VASH2: variants seen among roughly 807,000 people sequenced by gnomAD.
The protein encoded by VASH2 is tubulinyl-Tyr carboxypeptidase 2.
A neutral mutation model predicts 37.2 loss-of-function variants in VASH2; 28 were observed. That is an observed-to-expected ratio of 0.75 (90% CI 0.56 to 1.03). The LOEUF is 1.03. VASH2 is among the 50% of genes least tolerant of loss of function. The pLI, the probability that VASH2 is intolerant of heterozygous loss-of-function variation, is 0.00. For synonymous variants in VASH2, 188 were observed against 174.7 expected (o/e 1.08, Z -0.60); for missense variants, 419 against 459.1 (o/e 0.91, Z 0.80).
intron 3 of VASH2, among the ~76,000 whole-genome samples, chr1:212,964,801 CCATCCATCCACTCATT>C (rs1330809118): frequency 5.3e-5 from 8 of 152,182 alleles, no homozygotes; most frequent in African/African-American, 9.7e-5. Flanking sequence ...CCCTTCCAAT[CCATCCATCCACTCATT>C]CATCCATCCA....
At chr1:212,981,211 C>T (rs998730854) in intron 7 of VASH2, among the ~76,000 whole-genome samples, 7 of 152,200 alleles carry the variant, frequency 4.6e-5, no homozygotes, top group East Asian at 1.9e-4. Flanking sequence ...GGATGGGCAC[C>T]GGCTGAAAAA....
chr1:212,967,004 CA>C, intron 5 of VASH2: 1 of 867,122 alleles, frequency 1.2e-6, no homozygotes, highest in Non-Finnish European at 1.7e-6. Flanking sequence ...CTCAGCCTCC[CA>C]AAGTGTTGAG....
chr1:212,963,287 G>A (rs1461041801), intron 3 of VASH2, among the ~76,000 whole-genome samples: 3 of 152,218 alleles, frequency 2.0e-5, no homozygotes, highest in Non-Finnish European at 4.4e-5. Context: ...GAGGGCCAGA[G>A]AAGGGAAGCA....
At chr1:212,978,732 C>T (rs1230186382) in intron 7 of VASH2, among the ~76,000 whole-genome samples, 2 of 152,178 alleles carry the variant, frequency 1.3e-5, no homozygotes, top group African/African-American at 4.8e-5. Context: ...GGCCGAGTGG[C>T]CTTGGAACGG....
intron 5 of VASH2, chr1:212,968,339 TAGAA>T (rs1364584801): frequency 4.3e-5 from 42 of 984,846 alleles, no homozygotes; most frequent in Non-Finnish European, 4.9e-5. Context: ...GAAAGAGAGG[TAGAA>T]AGAAAACCAG....
intron 2 of VASH2, among the ~76,000 whole-genome samples, chr1:212,953,372 CT>C (rs965640575): frequency 7.2e-5 from 11 of 152,212 alleles, no homozygotes; most frequent in Non-Finnish European, 1.3e-4. Context: ...GGCAGCTGAT[CT>C]TAGGCCTGGC....
At chr1:212,973,364 TTC>T in intron 6 of VASH2, 1 of 1,283,712 alleles carries the variant, frequency 7.8e-7, no homozygotes, top group Non-Finnish European at 1.0e-6. Context: ...TACGTCCCTC[TTC>T]TCTCTCTCAG....
chr1:212,967,208 C>T (rs1666878769), intron 5 of VASH2: 2 of 1,303,250 alleles, frequency 1.5e-6, no homozygotes, highest in Admixed American at 4.6e-5. Flanking sequence ...GAATATGGTG[C>T]AGAGAAACTG....
At chr1:212,955,412 A>G (rs1196713107) in intron 2 of VASH2, among the ~76,000 whole-genome samples, 1 of 152,174 alleles carries the variant, frequency 6.6e-6, no homozygotes, top group Admixed American at 6.5e-5. Context: ...GAGGTTGTTG[A>G]GTCTGAAGTT....
intron 7 of VASH2, among the ~76,000 whole-genome samples, chr1:212,983,560 T>C (rs1234021647): frequency 6.6e-6 from 1 of 152,176 alleles, no homozygotes; most frequent in East Asian, 1.9e-4. Context: ...CCAACCCCAC[T>C]GCACCGAGGA....
intron 2 of VASH2, among the ~76,000 whole-genome samples, chr1:212,960,416 G>T (rs1666638458): frequency 6.6e-6 from 1 of 152,254 alleles, no homozygotes; most frequent in South Asian, 2.1e-4. Context: ...GTCGAGGCAA[G>T]AGGAGGGATC....
intron 7 of VASH2, among the ~76,000 whole-genome samples, chr1:212,976,244 G>A (rs914558978): frequency 2.0e-5 from 3 of 152,172 alleles, no homozygotes; most frequent in Non-Finnish European, 4.4e-5. Flanking sequence ...AGAATTGCCA[G>A]TTGAAATGAC....
chr1:212,952,440 C>T (rs1271126125), intron 2 of VASH2: 2 of 152,336 alleles, frequency 1.3e-5, no homozygotes, highest in Admixed American at 1.3e-4. Flanking sequence ...CTTATTTGTG[C>T]TCCAAGAAAA....
At chr1:212,981,427 C>T (rs950016034) in intron 7 of VASH2, among the ~76,000 whole-genome samples, 4 of 152,188 alleles carry the variant, frequency 2.6e-5, no homozygotes, top group South Asian at 2.1e-4. Flanking sequence ...CATGCTCTGC[C>T]TCTGCGGCCT....
chr1:212,979,581 A>T (rs1180553316), intron 7 of VASH2, among the ~76,000 whole-genome samples: 1 of 152,152 alleles, frequency 6.6e-6, no homozygotes, highest in African/African-American at 2.4e-5. Context: ...AGCGACTTCC[A>T]GCCTTGAATT....
chr1:212,983,771 T>C (rs1274302567), intron 7 of VASH2, among the ~76,000 whole-genome samples: 1 of 152,182 alleles, frequency 6.6e-6, no homozygotes, highest in African/African-American at 2.4e-5. Flanking sequence ...GGAGACAGCA[T>C]AAGCCAAGGT....
At chr1:212,969,979 ATGCT>A (rs1666961819) in intron 5 of VASH2, among the ~76,000 whole-genome samples, 1 of 152,202 alleles carries the variant, frequency 6.6e-6, no homozygotes. Context: ...TTTTACATGC[ATGCT>A]GGAGAGGTAG....
intron 7 of VASH2, among the ~76,000 whole-genome samples, chr1:212,981,304 C>T (rs1021186370): frequency 3.3e-5 from 5 of 152,210 alleles, no homozygotes; most frequent in African/African-American, 7.2e-5. Context: ...CTGCCAGCAC[C>T]GGTGCTTTCC....
chr1:212,966,080 T>C, intron 4 of VASH2, 191 bp from the exon 5 acceptor site: 2 of 614,692 alleles, frequency 3.3e-6, no homozygotes, highest in Non-Finnish European at 5.8e-6. Context: ...GAGGGTGCTA[T>C]GGAGTACTGG....
Sources: gnomAD v4.1 joint callset for allele counts (sites outside exome capture counted in the v4.1 genomes callset) on GRCh38, gnomAD v4.1.1 for gene constraint, MANE v1.5 for transcripts, NCBI Gene and HGNC (gene_info 2026-07-23, HGNC 2026-07-21) for gene names.